Variants in BRINP3 observed in about 807,000 individuals in gnomAD.
The protein encoded by BRINP3 is BMP/retinoic acid inducible neural specific 3.
A neutral mutation model predicts 71.0 loss-of-function variants in BRINP3; 19 were observed. That is an observed-to-expected ratio of 0.27 (90% CI 0.19 to 0.39). BRINP3 has a LOEUF of 0.39. Ranked by LOEUF, BRINP3 falls within the 10% of genes least tolerant of loss-of-function variation. The pLI is 1.00. For synonymous variants in BRINP3, 380 were observed against 337.7 expected, an observed-to-expected ratio of 1.13 and a Z score of -1.37; for missense variants, 959 against 940.8, an observed-to-expected ratio of 1.02 and a Z score of -0.25.
At chr1:190,298,675 A>G (rs1664437957) in intron 2 of BRINP3, among the ~76,000 whole-genome samples, 1 of 152,030 alleles carries the variant, frequency 6.6e-6, no homozygotes, top group Non-Finnish European at 1.5e-5. Context: ...TGCTTGAATT[A>G]TGGTCATAGA....
chr1:190,141,386 A>C (rs1431326968), intron 7 of BRINP3, among the ~76,000 whole-genome samples: 2 of 151,888 alleles, frequency 1.3e-5, no homozygotes, highest in Non-Finnish European at 2.9e-5. Context: ...TTCTTGATTG[A>C]GATGTTTGTT....
In BRINP3 at chr1:190,097,841, T is replaced by G; in HGVS notation, c.*177A>C. On this transcript the variant is annotated 3_prime_UTR_variant, in exon 8 of 8. Transcript: ENST00000367462. ...TATGTCATTCATAAACCAAAACTGC[T>G]GTATAATATATTCATTGTCAGCAAG... 1 of 642,612 alleles carries G rather than the reference T, an allele frequency of 1.6e-6. No homozygotes were observed. Among genetic ancestry groups the G allele is most frequent in the Non-Finnish European group, 2.6e-6 (1 of 384,516 alleles). 39.8% of individuals were successfully genotyped at this position (642,612 alleles called of 1,614,324 possible).
chr1:190,394,379 G>C (rs1348493109), intron 2 of BRINP3, among the ~76,000 whole-genome samples: 1 of 151,364 alleles, frequency 6.6e-6, no homozygotes, highest in Non-Finnish European at 1.5e-5. Flanking sequence ...CAGTAATTCT[G>C]ATTTCAGCTT....
rs747246941 is a variant in BRINP3 at position 190,098,809 on chromosome 1, T to C, written c.1510A>G (p.Thr504Ala). ...DLEMKYLLQKTDRRIEVHAIF... is the reference protein window; with the variant it reads ...DLEMKYLLQKADRRIEVHAIF... Reference sequence around the variant, plus strand: ...GCATGGACTTCTATTCGTCTGTCCGTTTTCTGCAGCAGATATTTCATCTCG... The same window carrying C: ...GCATGGACTTCTATTCGTCTGTCCGCTTTCTGCAGCAGATATTTCATCTCG... The change falls in exon 8 of 8, where the codon ACG (threonine) becomes GCG (alanine). Residue 504 changes from threonine (T) to alanine (A), a missense_variant. Coordinates refer to ENST00000367462, the MANE Select transcript of BRINP3 (RefSeq NM_199051.3). The C allele has an allele frequency of 6.2e-7, 1 of 1,614,176 alleles. No homozygotes were observed. Among genetic ancestry groups the C allele is most frequent in the Non-Finnish European group, 8.5e-7 (1 of 1,180,034 alleles).
At chr1:190,188,562 A>G (rs207460839) in intron 6 of BRINP3, among the ~76,000 whole-genome samples, 2 of 152,154 alleles carry the variant, frequency 1.3e-5, no homozygotes, top group Non-Finnish European at 2.9e-5. Context: ...GAGAGCTGAG[A>G]GAAGATGTGA....
At chr1:190,420,825 C>T (rs1439788412) in intron 2 of BRINP3, among the ~76,000 whole-genome samples, 4 of 151,772 alleles carry the variant, frequency 2.6e-5, no homozygotes, top group Non-Finnish European at 4.4e-5. Context: ...TTATAGACTG[C>T]CATGCATAAA....
At position 190,232,440 on chromosome 1, in the gene BRINP3, A is replaced by G. The variant is rs367629087; in HGVS notation, c.724+1932T>C. ...ACCAATTAAATTTAAGAAAGAGTGC[A>G]TGAAATATTGAGGGTCTTGAAATTG... On this transcript the variant is annotated intron_variant, in intron 5 of 7. Transcript: ENST00000367462. Among the ~76,000 whole-genome samples the G allele has an allele frequency of 3.4e-4, 52 of 152,046 alleles. 1 individual carries two copies. Among genetic ancestry groups the G allele is most frequent in the African/African-American group, 1.1e-3 (44 of 41,412 alleles).
At chr1:190,265,091 A>G (rs1418067257) in intron 3 of BRINP3, 36 bp from the exon 4 acceptor site, 2 of 1,553,806 alleles carry the variant, frequency 1.3e-6, no homozygotes, top group African/African-American at 2.8e-5. Flanking sequence ...TCAATTTTCC[A>G]CTTAAAATCT....
At chr1:190,473,674 G>A (rs1013950524) in intron 1 of BRINP3, among the ~76,000 whole-genome samples, 2 of 150,398 alleles carry the variant, frequency 1.3e-5, no homozygotes, top group Non-Finnish European at 3.0e-5. Flanking sequence ...CATTTTAATT[G>A]AGAAAAATCT....
In BRINP3 at chr1:190,452,670, C is replaced by T. The variant is rs188707009; in HGVS notation, c.236+1985G>A. ...AGTCAGAAGTTCAAAACCAGCCTCACCAACATGAAATCCCGTCTCTACCAA... is the reference window on the plus strand; with the variant it reads ...AGTCAGAAGTTCAAAACCAGCCTCATCAACATGAAATCCCGTCTCTACCAA... On this transcript the variant is annotated intron_variant, in intron 2 of 7. Transcript: ENST00000367462. Among the ~76,000 whole-genome samples the T allele has an allele frequency of 1.1e-4, 17 of 152,268 alleles. No individual in the cohort carries two copies. In the East Asian group the frequency reaches 3.1e-3, roughly 28 times the overall value.
intron 2 of BRINP3, among the ~76,000 whole-genome samples, chr1:190,391,354 A>G (rs1216787724): frequency 1.3e-5 from 2 of 151,798 alleles, no homozygotes; most frequent in Middle Eastern, 3.2e-3. Context: ...ACAGTGCCTC[A>G]TAGTCAGTAA....
chr1:190,452,369 T>G (rs1475506793), intron 2 of BRINP3, among the ~76,000 whole-genome samples: 5 of 152,190 alleles, frequency 3.3e-5, no homozygotes, highest in Admixed American at 3.3e-4. Flanking sequence ...CTTTACATGT[T>G]TATTCAAGCC....
At chr1:190,377,330 A>G (rs1670247201) in intron 2 of BRINP3, among the ~76,000 whole-genome samples, 1 of 151,912 alleles carries the variant, frequency 6.6e-6, no homozygotes, top group Admixed American at 6.6e-5. Flanking sequence ...AGACGGCAAT[A>G]AAACTAACCT....
At chr1:190,301,178 T>TATATATGTATATATATACATATATAC (rs1553283671) in intron 2 of BRINP3, among the ~76,000 whole-genome samples, 11,351 of 40,662 alleles carry the variant, frequency 0.28, 1,076 homozygotes, top group South Asian at 0.47. Flanking sequence ...TATATATACA[T>TATATATGTATATATATACATATATAC]ATATATATGT....
At chr1:190,323,834 T>C (rs894212894) in intron 2 of BRINP3, among the ~76,000 whole-genome samples, 2 of 151,936 alleles carry the variant, frequency 1.3e-5, no homozygotes, top group African/African-American at 4.8e-5. Context: ...CTTGAAAGCA[T>C]AGGAGTGATG....
At chr1:190,297,027 C>G (rs1211631283) in intron 2 of BRINP3, among the ~76,000 whole-genome samples, 1 of 151,912 alleles carries the variant, frequency 6.6e-6, no homozygotes, top group Non-Finnish European at 1.5e-5. Flanking sequence ...ATTTCAATGG[C>G]ATTTTTCACA....
chr1:190,154,265 G>C (rs1656673359), intron 7 of BRINP3, among the ~76,000 whole-genome samples: 1 of 152,090 alleles, frequency 6.6e-6, no homozygotes, highest in Non-Finnish European at 1.5e-5. Flanking sequence ...ATGAAACTCA[G>C]GGTTGTACTA....
intron 2 of BRINP3, among the ~76,000 whole-genome samples, chr1:190,324,854 A>G (rs1001909732): frequency 1.3e-5 from 2 of 151,954 alleles, no homozygotes; most frequent in Admixed American, 1.3e-4. Context: ...CAGAAAAGCA[A>G]TATTGATTAC....
At chr1:190,189,423 A>C (rs1306082080) in intron 6 of BRINP3, among the ~76,000 whole-genome samples, 2 of 152,092 alleles carry the variant, frequency 1.3e-5, no homozygotes, top group Non-Finnish European at 1.5e-5. Context: ...TGTTTCAAAA[A>C]TTATGTAAGC....
Sources: gnomAD v4.1 joint callset for allele counts (sites outside exome capture counted in the v4.1 genomes callset) on GRCh38, gnomAD v4.1.1 for gene constraint, MANE v1.5 for transcripts, NCBI Gene and HGNC (gene_info 2026-07-23, HGNC 2026-07-21) for gene names.